The following TM2D1 variants were observed in gnomAD, a reference collection of about 807,000 sequenced individuals.
TM2D1 encodes the protein TM2 domain-containing protein 1.
Under a neutral mutation model 28.4 loss-of-function variants are expected in TM2D1, and 15 were observed. The ratio of observed to expected loss-of-function variants is 0.53; its 90% CI spans 0.35 to 0.81. The LOEUF (loss-of-function observed/expected upper bound fraction) is 0.81, where lower values mean the gene tolerates loss of function less well. Among genes scored for constraint, TM2D1 ranks in the 40% least tolerant of loss-of-function variants. The probability of loss-of-function intolerance (pLI) is 0.01; values close to 1 mark genes in which losing one functional copy is unlikely to be tolerated. For missense variants in TM2D1, 236 were observed against 254.9 expected (o/e 0.93, Z 0.50); for synonymous variants, 93 against 96.2 (o/e 0.97, Z 0.20).
intron 1 of TM2D1, 91 bp downstream of exon 1, chr1:61,724,866 G>C (rs771262136): frequency 1.5e-5 from 21 of 1,367,268 alleles, no homozygotes; most frequent in Non-Finnish European, 2.0e-5. Context: ...TTTTCACTCA[G>C]TACAGCCCTA....
At chr1:61,691,932 A>AAAAAAAAAAAAATAT in intron 5 of TM2D1, among the ~76,000 whole-genome samples, 2 of 76,404 alleles carry the variant, frequency 2.6e-5, no homozygotes, top group East Asian at 4.7e-4. Flanking sequence ...AAAAAAAAAA[A>AAAAAAAAAAAAATAT]ATATATATAT....
chr1:61,708,783 C>T (rs982705375), intron 3 of TM2D1, among the ~76,000 whole-genome samples: 2 of 151,792 alleles, frequency 1.3e-5, no homozygotes, highest in African/African-American at 4.8e-5. Context: ...TAACATGGCA[C>T]GAGGCCATTT....
At chr1:61,712,614 T>C (rs1644487066) in intron 2 of TM2D1, among the ~76,000 whole-genome samples, 1 of 152,108 alleles carries the variant, frequency 6.6e-6, no homozygotes, top group Admixed American at 6.6e-5. Context: ...TTTCACCATG[T>C]TGGCTAGGCT....
At position 61,720,886 on chromosome 1, in the gene TM2D1, A is replaced by T. The variant is rs1644558486; in HGVS notation, c.238+2827T>A. On this transcript the variant is annotated intron_variant, in intron 2 of 6. Coordinates refer to ENST00000606498, the MANE Select transcript of TM2D1 (RefSeq NM_032027.3). Reference sequence around the variant, plus strand: ...TCACTAGCCCCAAACTCCCCTCTGTAAAACACTGCTCACGTTCATCCCTAC... The same window carrying T: ...TCACTAGCCCCAAACTCCCCTCTGTTAAACACTGCTCACGTTCATCCCTAC... 3.9e-5 allele frequency among the ~76,000 whole-genome samples: 6 copies of T among 152,150 alleles called. No homozygotes were observed. The South Asian group carries it at 1.2e-3, about 32-fold the overall frequency.
At chr1:61,700,203 A>G in intron 4 of TM2D1, 2 of 1,538,252 alleles carry the variant, frequency 1.3e-6, no homozygotes, top group Non-Finnish European at 1.8e-6. Context: ...ATAACAACAA[A>G]TATGTCACAG....
intron 4 of TM2D1, among the ~76,000 whole-genome samples, chr1:61,696,707 C>T (rs1644365546): frequency 1.3e-5 from 2 of 152,120 alleles, no homozygotes; most frequent in Non-Finnish European, 2.9e-5. Flanking sequence ...TAGACCACTT[C>T]TTTAGAGAAG....
At chr1:61,713,965 G>C (rs1165911321) in intron 2 of TM2D1, among the ~76,000 whole-genome samples, 11 of 140,806 alleles carry the variant, frequency 7.8e-5, no homozygotes, top group Non-Finnish European at 1.7e-4. Context: ...GCGCAATCTC[G>C]GCTCACTGCA....
Position 61,694,771 on chromosome 1 carries a change from C to T in TM2D1, c.440-1G>A. ...CCTACAGTGCAAAACTTTAACAAAC[C>T]TAGAAAAGAAGGTAAAGTCATTTAT... is the stretch of plus-strand genomic sequence containing the variant. On this transcript the variant is annotated splice_acceptor_variant, in intron 4 of 6. Transcript: ENST00000606498. LOFTEE classifies it high-confidence loss of function. The T allele has an allele frequency of 6.3e-7, 1 of 1,587,670 alleles. No individual in the cohort carries two copies. The highest frequency in any genetic ancestry group is 2.3e-5 in the East Asian group (1 of 44,148).
intron 2 of TM2D1, among the ~76,000 whole-genome samples, chr1:61,716,535 G>GTATAATTTTATATATGTA (rs1312619002): frequency 3.7e-4 from 51 of 138,936 alleles, no homozygotes; most frequent in African/African-American, 1.3e-3. Flanking sequence ...TTATATATGT[G>GTATAATTTTATATATGTA]TATAATTTTA....
chr1:61,709,277 G>A (rs919107814), intron 3 of TM2D1, 52 bp downstream of exon 3: 2 of 1,100,634 alleles, frequency 1.8e-6, no homozygotes, highest in East Asian at 2.4e-5. Context: ...ATGCAATGAA[G>A]ATATAATATA....
chr1:61,683,820 T>G (rs1644264890), intron 5 of TM2D1: 1 of 229,112 alleles, frequency 4.4e-6, no homozygotes. Flanking sequence ...CTTGCTTAGC[T>G]CTGCTTGTCT....
chr1:61,681,850 C>T (rs1644245739), intron 6 of TM2D1, among the ~76,000 whole-genome samples: 1 of 152,104 alleles, frequency 6.6e-6, no homozygotes, highest in African/African-American at 2.4e-5. Context: ...GTATGGAAGA[C>T]CTAGATTCTA....
At chr1:61,698,531 C>T (rs1644379152) in intron 4 of TM2D1, 1 of 147,354 alleles carries the variant, frequency 6.8e-6, no homozygotes, top group African/African-American at 2.6e-5. Flanking sequence ...GCACTCTATC[C>T]TGGGCAACAA....
intron 2 of TM2D1, among the ~76,000 whole-genome samples, chr1:61,716,352 C>CAT (rs966782323): frequency 2.8e-5 from 4 of 145,428 alleles, no homozygotes; most frequent in African/African-American, 1.0e-4. Flanking sequence ...ATATTATATA[C>CAT]ATATTTAATT....
At chr1:61,695,340 G>A (rs532848388) in intron 4 of TM2D1, among the ~76,000 whole-genome samples, 23 of 152,164 alleles carry the variant, frequency 1.5e-4, no homozygotes, top group Non-Finnish European at 2.9e-4. Flanking sequence ...CAACAATTCT[G>A]TGCTGAGCAC....
At position 61,723,788 on chromosome 1, in the gene TM2D1, TAA is replaced by T; in HGVS notation, c.165-4_165-3del. Reference sequence around the variant, plus strand: ...ATTTTTGGATCTTTACAAATATATGTAAAAAAAAAAGTTAAGGAAATACGGAC... The same window carrying T: ...ATTTTTGGATCTTTACAAATATATGTAAAAAAAAGTTAAGGAAATACGGAC... On this transcript the variant is annotated splice_polypyrimidine_tract_variant and splice_region_variant and intron_variant, in intron 1 of 6. Transcript: ENST00000606498. 1.1e-5 allele frequency: 15 copies of T among 1,342,136 alleles called. No individual in the cohort carries two copies. The highest frequency in any genetic ancestry group is 1.4e-5 in the South Asian group (1 of 69,522). 83.1% of individuals were successfully genotyped at this position (1,342,136 alleles called of 1,614,324 possible).
intron 3 of TM2D1, among the ~76,000 whole-genome samples, chr1:61,702,499 C>G: frequency 6.6e-6 from 1 of 150,654 alleles, no homozygotes; most frequent in East Asian, 2.0e-4. Context: ...CCCCCAAGTA[C>G]CTGGGAGTAC....
intron 5 of TM2D1, among the ~76,000 whole-genome samples, chr1:61,693,062 C>A (rs1425283181): frequency 6.6e-6 from 1 of 151,934 alleles, no homozygotes; most frequent in African/African-American, 2.4e-5. Context: ...CATGGGGAAA[C>A]CTTGTCTCTT....
intron 2 of TM2D1, among the ~76,000 whole-genome samples, chr1:61,718,025 A>ACGC: frequency 6.6e-6 from 1 of 152,064 alleles, no homozygotes; most frequent in Admixed American, 6.6e-5. Context: ...TCCAAAAACA[A>ACGC]CAACAAAAAA....
Sources: gnomAD v4.1 joint callset for allele counts (sites outside exome capture counted in the v4.1 genomes callset) on GRCh38, gnomAD v4.1.1 for gene constraint, MANE v1.5 for transcripts, NCBI Gene and HGNC (gene_info 2026-07-23, HGNC 2026-07-21) for gene names.